Variants in OR52E5 observed in about 807,000 individuals in gnomAD.
The protein encoded by OR52E5 is olfactory receptor 52E5.
chr11:5,894,435 G>GA lies in OR52E5; in HGVS notation c.-228+1165_-228+1166insA, dbSNP rs773959072. ...AGATAGATTGGCCTTTGGAAAAATA[G>GA]GAAAAAAAAGAATGGATAATCTTGA... On this transcript the variant is annotated intron_variant, in intron 1 of 2. Transcript: ENST00000610445. 5.5e-3 allele frequency among the ~76,000 whole-genome samples: 830 copies of GA among 150,464 alleles called. 7 individuals are homozygous for GA. Among genetic ancestry groups the GA allele is most frequent in the Non-Finnish European group, 8.3e-3 (559 of 67,534 alleles).
Position 5,900,976 on chromosome 11 carries a change from T to C in OR52E5, c.200T>C (p.Met67Thr). ...LHQPMFYFLA[M>T]LAGTDLGLST... is the part of the protein sequence containing the mutation. ...CAACCCATGTTTTACTTCCTAGCCA[T>C]GTTGGCCGGCACTGATCTGGGCTTG... The change falls in exon 3 of 3, where the codon ATG becomes ACG. Residue 67 changes from methionine (M) to threonine (T), a missense_variant. Met to Thr is a moderately conservative substitution (Grantham distance 81, BLOSUM62 -1). Coordinates refer to ENST00000610445, the MANE Select transcript of OR52E5 (RefSeq NM_001005166.5). The C allele has an allele frequency of 5.0e-6, 2 of 401,992 alleles. No individual in the cohort carries two copies. Among genetic ancestry groups the C allele is most frequent in the Admixed American group, 4.4e-5 (1 of 22,742 alleles). The allele number at this position is 401,992 out of a possible 1,614,324, so 24.9% of individuals were successfully genotyped here. A position where few individuals can be genotyped will look rare whatever the true frequency, so the allele number is the denominator to read the frequency against.
rs539119065 is a variant in OR52E5, at chr11:5,895,048, G to A, written c.-227-584G>A. Among the ~76,000 whole-genome samples the A allele has an allele frequency of 7.2e-5, 11 of 152,110 alleles. No individual in the cohort carries two copies. The South Asian group carries it at 2.3e-3, about 31-fold the overall frequency. Reference sequence around the variant, plus strand: ...TCAATGTAAAGAAAAGATTGCTTTAGACTTTGAGTGTAGAAATGTTTTACT... The same window carrying A: ...TCAATGTAAAGAAAAGATTGCTTTAAACTTTGAGTGTAGAAATGTTTTACT... On this transcript the variant is annotated intron_variant, in intron 1 of 2. Coordinates refer to ENST00000610445, the MANE Select transcript of OR52E5 (RefSeq NM_001005166.5).
chr11:5,902,636 G>C lies in OR52E5; in HGVS notation c.*876G>C, dbSNP rs1337422969. The C allele has an allele frequency of 6.6e-6, 1 of 152,208 alleles. No homozygotes were observed. The highest frequency in any genetic ancestry group is 2.4e-5 in the African/African-American group (1 of 41,460). The allele number at this position is 152,208 out of a possible 1,614,324, so 9.4% of individuals were successfully genotyped here. On this transcript the variant is annotated 3_prime_UTR_variant, in exon 3 of 3. Coordinates refer to ENST00000610445, the MANE Select transcript of OR52E5 (RefSeq NM_001005166.5). ...CTTTGCTAGAGTGGGTTTTAGGGCA[G>C]ACTGTAATAGTGTGGCTGCTGAAAT...
At position 5,900,794 on chromosome 11, in the gene OR52E5, TAC is replaced by T. The variant is rs1590405253; in HGVS notation, c.22_23del (p.Gln8ValfsTer46). 7 of 401,206 alleles carry T rather than the reference TAC, an allele frequency of 1.7e-5. No homozygotes were observed. The highest frequency in any genetic ancestry group is 7.1e-5 in the East Asian group (2 of 28,082). 24.9% of individuals were successfully genotyped at this position (401,206 alleles called of 1,614,324 possible). A position where few individuals can be genotyped will look rare whatever the true frequency, so the allele number is the denominator to read the frequency against. On this transcript the variant is annotated frameshift_variant, in exon 3 of 3. Coordinates refer to ENST00000610445, the MANE Select transcript of OR52E5 (RefSeq NM_001005166.5). LOFTEE classifies it low-confidence loss of function (END_TRUNC). Reference sequence around the variant, plus strand: ...CCACCAATATGCTTCATACCAACAATACACAGTTTCACCCTTCCACCTTCCTC... The same window carrying T: ...CCACCAATATGCTTCATACCAACAATACAGTTTCACCCTTCCACCTTCCTC... MLHTNN[T>X]QFHPSTFLVV... is the part of the protein sequence containing the mutation.
chr11:5,894,314 C>T (rs1162257652), intron 1 of OR52E5, among the ~76,000 whole-genome samples: 1 of 152,068 alleles, frequency 6.6e-6, no homozygotes, highest in African/African-American at 2.4e-5. Flanking sequence ...TAGTTAGTGT[C>T]CAAGAAATGT....
At chr11:5,894,901 G>T (rs147943517) in intron 1 of OR52E5, among the ~76,000 whole-genome samples, 1 of 152,214 alleles carries the variant, frequency 6.6e-6, no homozygotes, top group East Asian at 1.9e-4. Context: ...GAATAATTTT[G>T]CCCCAATAAA....
chr11:5,893,720 C>T (rs1391219437), intron 1 of OR52E5, among the ~76,000 whole-genome samples: 2 of 152,006 alleles, frequency 1.3e-5, no homozygotes, highest in Non-Finnish European at 2.9e-5. Flanking sequence ...CTGGAATTGC[C>T]CTCAGATCCA....
rs1847264434 is a variant in OR52E5 at position 5,902,166 on chromosome 11, T to A, written c.*406T>A. On this transcript the variant is annotated 3_prime_UTR_variant, in exon 3 of 3. Transcript: ENST00000610445. ...TTAACTAGGAGTCATAAGATCTAGA[T>A]TTAAATACAGGTTATGGCCTTACCT... 1 of 157,126 alleles carries A rather than the reference T, an allele frequency of 6.4e-6. No individual in the cohort carries two copies. 9.7% of individuals were successfully genotyped at this position (157,126 alleles called of 1,614,324 possible). A position where few individuals can be genotyped will look rare whatever the true frequency, so the allele number is the denominator to read the frequency against.
intron 2 of OR52E5, among the ~76,000 whole-genome samples, chr11:5,900,125 C>T (rs932568759): frequency 2.0e-5 from 3 of 152,068 alleles, no homozygotes; most frequent in Non-Finnish European, 4.4e-5. Context: ...GGAAAGAAAA[C>T]ATAATATAGT....
rs1418503339 is a variant in OR52E5 at position 5,901,697 on chromosome 11, C to T, written c.921C>T (p.Asn307=). The T allele has an allele frequency of 2.5e-6, 1 of 400,916 alleles. No individual in the cohort carries two copies. Among genetic ancestry groups the T allele is most frequent in the African/African-American group, 2.1e-5 (1 of 48,676 alleles). The allele number at this position is 400,916 out of a possible 1,614,324, so 24.8% of individuals were successfully genotyped here. Residue 307 remains asparagine, a synonymous_variant, in exon 3 of 3, where the codon AAC becomes AAT. Coordinates refer to ENST00000610445, the MANE Select transcript of OR52E5 (RefSeq NM_001005166.5). The stretch of plus-strand genomic sequence containing the variant: ...GAGAGCAGGTACTTAGGATACTCAA[C>T]CCTAAAAGCTTTTGGCATTTTGACC... The part of the protein sequence containing the change: ...QIREQVLRIL[N]PKSFWHFDPK...
intron 2 of OR52E5, among the ~76,000 whole-genome samples, chr11:5,897,260 A>C (rs1377341789): frequency 6.6e-6 from 1 of 152,112 alleles, no homozygotes; most frequent in Non-Finnish European, 1.5e-5. Context: ...CCCAAAAGGT[A>C]GTTTTTCAAC....
At chr11:5,894,268 G>T (rs986467430) in intron 1 of OR52E5, among the ~76,000 whole-genome samples, 11 of 152,042 alleles carry the variant, frequency 7.2e-5, no homozygotes, top group African/African-American at 2.7e-4. Context: ...ACAGATTACT[G>T]GACCCCTCTT....
chr11:5,893,330 G>A (rs1847130117), intron 1 of OR52E5, 60 bp downstream of exon 1: 1 of 152,200 alleles, frequency 6.6e-6, no homozygotes, highest in Admixed American at 6.5e-5. Context: ...TAACTAAAGT[G>A]ATTTGTGGGA....
intron 1 of OR52E5, among the ~76,000 whole-genome samples, chr11:5,895,026 A>G (rs1847154489): frequency 6.6e-6 from 1 of 151,978 alleles, no homozygotes; most frequent in Non-Finnish European, 1.5e-5. Flanking sequence ...TGCGGACTCA[A>G]TGTAAAGAAA....
chr11:5,896,978 T>A (rs1847185067), intron 2 of OR52E5, among the ~76,000 whole-genome samples: 1 of 152,238 alleles, frequency 6.6e-6, no homozygotes, highest in African/African-American at 2.4e-5. Flanking sequence ...ATAAACTTAG[T>A]TATTATTCCT....
chr11:5,900,166 T>C (rs73398289), intron 2 of OR52E5, among the ~76,000 whole-genome samples: 21 of 152,256 alleles, frequency 1.4e-4, no homozygotes, highest in African/African-American at 3.4e-4. Flanking sequence ...AGAGGGAGCA[T>C]TGTTTTTCTG....
At chr11:5,900,303 C>T (rs1413253337) in intron 2 of OR52E5, among the ~76,000 whole-genome samples, 1 of 152,098 alleles carries the variant, frequency 6.6e-6, no homozygotes. Context: ...TTCTTAATTT[C>T]TCAGATCTAA....
At position 5,901,762 on chromosome 11, in the gene OR52E5, G is replaced by A; in HGVS notation, c.*2G>A. 1 of 400,416 alleles carries A rather than the reference G, an allele frequency of 2.5e-6. No homozygotes were observed. The highest frequency in any genetic ancestry group is 4.4e-6 in the Non-Finnish European group (1 of 226,132). 24.8% of individuals were successfully genotyped at this position (400,416 alleles called of 1,614,324 possible). On this transcript the variant is annotated 3_prime_UTR_variant, in exon 3 of 3. Coordinates refer to ENST00000610445, the MANE Select transcript of OR52E5 (RefSeq NM_001005166.5). ...CACAACAATTCAGTTAGACAATAAT[G>A]AGATCATAACAAAATAAACACTGGA...
At chr11:5,895,327 C>G (rs1274135588) in intron 1 of OR52E5, among the ~76,000 whole-genome samples, 2 of 152,096 alleles carry the variant, frequency 1.3e-5, no homozygotes, top group Non-Finnish European at 2.9e-5. Flanking sequence ...AAAAGAAAAG[C>G]TGGATTTATA....
Sources: allele counts gnomAD v4.1 joint callset (sites outside exome capture counted in the v4.1 genomes callset), GRCh38; gene constraint gnomAD v4.1.1; transcripts MANE v1.5; gene names NCBI Gene and HGNC (gene_info 2026-07-23, HGNC 2026-07-21).